The following SPATS1 variants were observed in gnomAD, a reference collection of about 807,000 sequenced individuals.
The protein encoded by SPATS1 is spermatogenesis-associated serine-rich protein 1.
SPATS1 carries 23 observed loss-of-function variants against 33.6 expected under a neutral mutation model. The observed-to-expected ratio is 0.68, with a 90% confidence interval of 0.49 to 0.97. The LOEUF is 0.97. Among genes scored for constraint, SPATS1 ranks in the 50% least tolerant of loss-of-function variants. The probability of loss-of-function intolerance (pLI) is 0.00; values close to 1 mark genes in which losing one functional copy is unlikely to be tolerated. For synonymous variants in SPATS1, 131 were observed against 125.6 expected, an observed-to-expected ratio of 1.04 and a Z score of -0.29; for missense variants, 327 against 361.0, an observed-to-expected ratio of 0.91 and a Z score of 0.76.
intron 4 of SPATS1, chr6:44,361,410 C>A: frequency 2.0e-6 from 2 of 985,432 alleles, no homozygotes; most frequent in Non-Finnish European, 2.4e-6. Flanking sequence ...CATGTTTCCT[C>A]CACTTGAGGT....
chr6:44,368,992 G>A (rs1029418661), intron 6 of SPATS1, among the ~76,000 whole-genome samples: 24 of 151,306 alleles, frequency 1.6e-4, no homozygotes, highest in Admixed American at 7.9e-4. Context: ...TGCCTCCTGG[G>A]TTCATGCCAT....
chr6:44,353,388 T>G (rs1788359076), intron 3 of SPATS1, among the ~76,000 whole-genome samples: 1 of 152,168 alleles, frequency 6.6e-6, no homozygotes, highest in Admixed American at 6.5e-5. Flanking sequence ...ATGTTTTGTT[T>G]CTTTTGTTTG....
chr6:44,372,935 C>T (rs535973270), intron 7 of SPATS1, among the ~76,000 whole-genome samples: 150 of 152,224 alleles, frequency 9.9e-4, no homozygotes, highest in African/African-American at 3.4e-3. Context: ...CTGCAGAATA[C>T]CTTGAGTGAT....
rs114263545 is a variant in SPATS1 at position 44,346,240 on chromosome 6, G to A, written c.139+3006G>A. ...CTAGGGGCAGAGGTTGCAGTGAACC[G>A]AGATCACTCCAGCCTGGGTGACAGA... On this transcript the variant is annotated intron_variant, in intron 2 of 8. Transcript: ENST00000674044. 3.3e-3 allele frequency among the ~76,000 whole-genome samples: 490 copies of A among 148,454 alleles called. 4 individuals are homozygous for A. The highest frequency in any genetic ancestry group is 0.012 in the African/African-American group (472 of 40,364).
At chr6:44,364,782 T>C (rs775438743) in intron 5 of SPATS1, among the ~76,000 whole-genome samples, 2 of 139,596 alleles carry the variant, frequency 1.4e-5, no homozygotes, top group African/African-American at 3.3e-5. Flanking sequence ...TTTCTTCTTT[T>C]CTTTTCTCTT....
intron 7 of SPATS1, among the ~76,000 whole-genome samples, chr6:44,370,979 GTT>G (rs532344535): frequency 1.1e-4 from 16 of 141,702 alleles, no homozygotes; most frequent in East Asian, 6.1e-4. Flanking sequence ...AAAAAGAAAG[GTT>G]TTTTTTTTTT....
intron 7 of SPATS1, 89 bp downstream of exon 7, chr6:44,370,202 A>C (rs1789518821): frequency 3.2e-6 from 4 of 1,254,038 alleles, no homozygotes; most frequent in Admixed American, 3.6e-5. Flanking sequence ...GCAGGTAGAT[A>C]ACCAGGACAC....
intron 6 of SPATS1, among the ~76,000 whole-genome samples, chr6:44,369,437 C>G (rs923861791): frequency 6.6e-6 from 1 of 152,008 alleles, no homozygotes; most frequent in African/African-American, 2.4e-5. Context: ...GTAATCTCAG[C>G]TACTCAGGAG....
chr6:44,346,284 A>AAAG (rs1238358360), intron 2 of SPATS1, among the ~76,000 whole-genome samples: 1 of 151,438 alleles, frequency 6.6e-6, no homozygotes. Flanking sequence ...CTGTCTCAAA[A>AAAG]AAAAAAACAA....
At chr6:44,343,350 G>A in intron 2 of SPATS1, 116 bp downstream of exon 2, 2 of 1,281,516 alleles carry the variant, frequency 1.6e-6, no homozygotes, top group Non-Finnish European at 2.3e-6. Context: ...GCTAGTTTGG[G>A]GGCATGTAAA....
intron 7 of SPATS1, among the ~76,000 whole-genome samples, chr6:44,375,650 A>C (rs1035457110): frequency 2.0e-5 from 3 of 152,090 alleles, no homozygotes; most frequent in Admixed American, 2.0e-4. Context: ...TCTCTACTAA[A>C]AATACAAAAA....
chr6:44,353,045 A>G (rs1439910885), intron 3 of SPATS1, among the ~76,000 whole-genome samples, 172 bp downstream of exon 3: 1 of 152,150 alleles, frequency 6.6e-6, no homozygotes, highest in Admixed American at 6.5e-5. Context: ...TGAGCAAATT[A>G]CTTCACCTCC....
rs528091297 is a variant in SPATS1 at position 44,367,482 on chromosome 6, TGAAAGA to T, written c.575-890_575-885del. The stretch of plus-strand genomic sequence containing the variant: ...TACAGTCAGTTATTGAAAAGGTTTT[TGAAAGA>T]GAAAGACAAAAAAGTAAATACTCTG... On this transcript the variant is annotated intron_variant, in intron 5 of 8. Transcript: ENST00000674044. Among the ~76,000 whole-genome samples the T allele has an allele frequency of 3.5e-4, 53 of 152,360 alleles. No individual in the cohort carries two copies. In the East Asian group the frequency reaches 9.8e-3, roughly 28 times the overall value.
In SPATS1 at chr6:44,342,714, T is replaced by C. The variant is rs111623628; in HGVS notation, c.-55T>C. 13 of 461,252 alleles carry C rather than the reference T, an allele frequency of 2.8e-5. No homozygotes were observed. Among genetic ancestry groups the C allele is most frequent in the African/African-American group, 1.4e-4 (7 of 50,442 alleles). The allele number at this position is 461,252 out of a possible 1,614,324, so 28.6% of individuals were successfully genotyped here. ...CCCTTTTGCCCTAGGCTCTCGGTTC[T>C]CAGGCCTCGGCGTGCGGCGTGCGTT... On this transcript the variant is annotated 5_prime_UTR_variant, in exon 1 of 9. Transcript: ENST00000674044.
At chr6:44,352,989 G>C (rs1383603589) in intron 3 of SPATS1, 116 bp downstream of exon 3, 1 of 1,150,254 alleles carries the variant, frequency 8.7e-7, no homozygotes, top group Admixed American at 2.6e-5. Flanking sequence ...GAGCTAGACT[G>C]TGTGGGTTCA....
rs576523601 is a variant in SPATS1 at position 44,345,831 on chromosome 6, C to T, written c.139+2597C>T. Among the ~76,000 whole-genome samples the T allele has an allele frequency of 2.0e-5, 3 of 152,298 alleles. No individual in the cohort carries two copies. The South Asian group carries it at 6.2e-4, about 32-fold the overall frequency. ...ATTGAGTCAAATGACATGCACTTCT[C>T]ATAGGCTTCGGAAGTCACATATGGC... On this transcript the variant is annotated intron_variant, in intron 2 of 8. Coordinates refer to ENST00000674044, the MANE Select transcript of SPATS1 (RefSeq NM_001372081.1).
chr6:44,367,203 T>C (rs1474136926), intron 5 of SPATS1, among the ~76,000 whole-genome samples: 1 of 152,238 alleles, frequency 6.6e-6, no homozygotes, highest in Non-Finnish European at 1.5e-5. Flanking sequence ...TTCTCCTGTC[T>C]CAGCCTCCCG....
intron 5 of SPATS1, 58 bp from the exon 6 acceptor site, chr6:44,368,321 C>A (rs1013959122): frequency 1.9e-6 from 3 of 1,572,016 alleles, no homozygotes; most frequent in Middle Eastern, 1.7e-4. Context: ...ATACTTACAG[C>A]AAATCTGTGG....
At chr6:44,352,090 G>A (rs554462502) in intron 2 of SPATS1, among the ~76,000 whole-genome samples, 3 of 152,066 alleles carry the variant, frequency 2.0e-5, no homozygotes, top group Non-Finnish European at 4.4e-5. Context: ...TCAGGCTTTA[G>A]TGTCACAAGA....
Sources: gnomAD v4.1 joint callset for allele counts (sites outside exome capture counted in the v4.1 genomes callset) on GRCh38, gnomAD v4.1.1 for gene constraint, MANE v1.5 for transcripts, NCBI Gene and HGNC (gene_info 2026-07-23, HGNC 2026-07-21) for gene names.